The following CSMD3 variants were observed in gnomAD, a reference collection of about 807,000 sequenced individuals.
CSMD3 encodes CUB and Sushi multiple domains 3.
A neutral mutation model predicts 435.2 loss-of-function variants in CSMD3; 177 were observed. The observed-to-expected ratio is 0.41, with a 90% confidence interval of 0.36 to 0.46. CSMD3 has a LOEUF of 0.46. CSMD3 is among the 20% of genes least tolerant of loss of function. The pLI, the probability that CSMD3 is intolerant of heterozygous loss-of-function variation, is 0.34. For synonymous variants in CSMD3, 1,656 were observed against 1,520.5 expected (o/e 1.09, Z -2.07); for missense variants, 4,265 against 4,504.6 (o/e 0.95, Z 1.52).
intron 21 of CSMD3, among the ~76,000 whole-genome samples, chr8:112,637,574 C>T (rs970806332): frequency 6.6e-6 from 1 of 151,842 alleles, no homozygotes; most frequent in African/African-American, 2.4e-5. Flanking sequence ...GGAAGTTTTC[C>T]CCAGGCAATA....
chr8:112,353,810 A>C (rs541270597), intron 38 of CSMD3, among the ~76,000 whole-genome samples: 1 of 152,302 alleles, frequency 6.6e-6, no homozygotes, highest in Admixed American at 6.5e-5. Context: ...AAACTTACAA[A>C]AATTCAATGA....
At chr8:113,385,148 C>T (rs1359774966) in intron 1 of CSMD3, among the ~76,000 whole-genome samples, 3 of 152,018 alleles carry the variant, frequency 2.0e-5, no homozygotes, top group Non-Finnish European at 4.4e-5. Context: ...ACCCTAAAAT[C>T]CTAAAACCCT....
chr8:113,257,180 G>C (rs1010352543), intron 3 of CSMD3, among the ~76,000 whole-genome samples: 1 of 152,084 alleles, frequency 6.6e-6, no homozygotes, highest in African/African-American at 2.4e-5. Flanking sequence ...AGGCCGAGGC[G>C]GGCGGATCAC....
At chr8:113,237,913 A>T (rs1362515741) in intron 3 of CSMD3, among the ~76,000 whole-genome samples, 3 of 152,066 alleles carry the variant, frequency 2.0e-5, no homozygotes, top group Admixed American at 6.6e-5. Flanking sequence ...CGCCTCTACT[A>T]AAAGTACAAA....
At chr8:112,311,198 T>C in intron 49 of CSMD3, 32 bp from the exon 50 acceptor site, 1 of 1,567,326 alleles carries the variant, frequency 6.4e-7, no homozygotes, top group Non-Finnish European at 8.8e-7. Flanking sequence ...TGCTGTTTAA[T>C]TAATGAATCA....
At chr8:113,429,582 T>A (rs1293333399) in intron 1 of CSMD3, among the ~76,000 whole-genome samples, 1 of 152,088 alleles carries the variant, frequency 6.6e-6, no homozygotes, top group Non-Finnish European at 1.5e-5. Context: ...CATAATTATC[T>A]CCTTTTGTCT....
At chr8:113,246,088 T>C (rs1474415791) in intron 3 of CSMD3, among the ~76,000 whole-genome samples, 2 of 152,010 alleles carry the variant, frequency 1.3e-5, no homozygotes, top group East Asian at 3.9e-4. Flanking sequence ...TCCTTGAGTT[T>C]ATCTTACTTG....
At chr8:112,837,463 A>G (rs1054003357) in intron 11 of CSMD3, among the ~76,000 whole-genome samples, 3 of 151,786 alleles carry the variant, frequency 2.0e-5, no homozygotes, top group Non-Finnish European at 4.4e-5. Flanking sequence ...TCTAAAAAAA[A>G]GTTATATTAT....
intron 9 of CSMD3, among the ~76,000 whole-genome samples, chr8:112,932,698 G>A (rs1159002102): frequency 6.6e-6 from 1 of 152,050 alleles, no homozygotes; most frequent in East Asian, 1.9e-4. Flanking sequence ...GTGCGTGGGA[G>A]GGGGTACAAA....
chr8:112,477,561 G>A (rs1051705364), intron 31 of CSMD3, among the ~76,000 whole-genome samples: 2 of 152,208 alleles, frequency 1.3e-5, no homozygotes, highest in Admixed American at 1.3e-4. Flanking sequence ...TAGCAATAGT[G>A]AGTGTGTTCT....
intron 2 of CSMD3, among the ~76,000 whole-genome samples, chr8:113,295,251 T>C (rs1363888215): frequency 6.6e-6 from 1 of 152,172 alleles, no homozygotes; most frequent in East Asian, 1.9e-4. Context: ...CACCCTGTCA[T>C]GTAGAAAGGT....
At chr8:112,997,187 A>G (rs941598791) in intron 6 of CSMD3, among the ~76,000 whole-genome samples, 1 of 151,742 alleles carries the variant, frequency 6.6e-6, no homozygotes, top group Non-Finnish European at 1.5e-5. Context: ...CAAAAAGTTG[A>G]TAGAGCTTAT....
chr8:113,275,064 CTCTT>C (rs2132439600), intron 3 of CSMD3, among the ~76,000 whole-genome samples: 1 of 152,056 alleles, frequency 6.6e-6, no homozygotes, highest in South Asian at 2.1e-4. Flanking sequence ...ATATAAAGTA[CTCTT>C]TTAATCACCA....
In CSMD3 at chr8:113,192,134, TA is replaced by T. The variant is rs1588243095; in HGVS notation, c.515-18219del. 2.6e-5 allele frequency among the ~76,000 whole-genome samples: 4 copies of T among 151,810 alleles called. No homozygotes were observed. In the South Asian group the frequency reaches 8.3e-4, roughly 32 times the overall value. On this transcript the variant is annotated intron_variant, in intron 3 of 70. Coordinates refer to ENST00000297405, the MANE Select transcript of CSMD3 (RefSeq NM_198123.2). ...TGTTTAACTTCCTGAGAGATTTGGATATTCAATTTTTTTCAGATTCATAGTT... is the reference window on the plus strand; with the variant it reads ...TGTTTAACTTCCTGAGAGATTTGGATTTCAATTTTTTTCAGATTCATAGTT...
intron 55 of CSMD3, among the ~76,000 whole-genome samples, 194 bp from the exon 56 acceptor site, chr8:112,291,889 G>T (rs2130681561): frequency 6.6e-6 from 1 of 151,888 alleles, no homozygotes; most frequent in South Asian, 2.1e-4. Flanking sequence ...ACAGAAGAAA[G>T]AAAAAAATTT....
At chr8:113,011,759 A>G (rs2086263422) in intron 6 of CSMD3, among the ~76,000 whole-genome samples, 1 of 151,802 alleles carries the variant, frequency 6.6e-6, no homozygotes, top group South Asian at 2.1e-4. Context: ...ACTGTAAAAT[A>G]TTCATTTGTA....
At chr8:113,093,556 G>A (rs2090071797) in intron 5 of CSMD3, among the ~76,000 whole-genome samples, 1 of 152,042 alleles carries the variant, frequency 6.6e-6, no homozygotes, top group Non-Finnish European at 1.5e-5. Context: ...GAAATGATGG[G>A]TAAGCTAGTT....
At chr8:112,956,155 T>C (rs1319499946) in intron 7 of CSMD3, among the ~76,000 whole-genome samples, 1 of 152,026 alleles carries the variant, frequency 6.6e-6, no homozygotes, top group Non-Finnish European at 1.5e-5. Context: ...GAATCTGCCT[T>C]TTTACCTGCT....
At chr8:112,237,489 C>A in intron 66 of CSMD3, 141 bp from the exon 67 acceptor site, 1 of 688,136 alleles carries the variant, frequency 1.5e-6, no homozygotes. Flanking sequence ...ATTAATTCTT[C>A]ATATAAAAAT....
Sources: allele counts gnomAD v4.1 joint callset (sites outside exome capture counted in the v4.1 genomes callset), GRCh38; gene constraint gnomAD v4.1.1; transcripts MANE v1.5; gene names NCBI Gene and HGNC (gene_info 2026-07-23, HGNC 2026-07-21).